MYT1L: variants seen among roughly 807,000 people sequenced by gnomAD.
MYT1L encodes the protein myelin transcription factor 1 like, also known as myelin transcription factor 1-like protein.
In MYT1L, 12 loss-of-function variants were observed where a neutral mutation model predicts 126.7. The ratio of observed to expected loss-of-function variants is 0.09; its 90% CI spans 0.06 to 0.15. The LOEUF is 0.15. Ranked by LOEUF, MYT1L falls within the 10% of genes least tolerant of loss-of-function variation. The pLI, the probability that MYT1L is intolerant of heterozygous loss-of-function variation, is 1.00. For synonymous variants in MYT1L, 541 were observed against 604.2 expected (o/e 0.90, Z 1.53); for missense variants, 979 against 1,585.2 (o/e 0.62, Z 6.49).
chr2:1,869,720 C>A (rs1252277445), intron 18 of MYT1L, among the ~76,000 whole-genome samples: 2 of 152,106 alleles, frequency 1.3e-5, no homozygotes, highest in East Asian at 1.9e-4. Flanking sequence ...CTAAGTTAGT[C>A]CTCATCTTAG....
chr2:2,295,663 C>CAGAG (rs377336266), intron 1 of MYT1L, among the ~76,000 whole-genome samples: 2 of 32,222 alleles, frequency 6.2e-5, no homozygotes, highest in Admixed American at 3.0e-4. Flanking sequence ...GACAGACAGA[C>CAGAG]AGAGAGAGAG....
chr2:2,038,331 C>T (rs1344133649), intron 4 of MYT1L, among the ~76,000 whole-genome samples: 1 of 152,134 alleles, frequency 6.6e-6, no homozygotes, highest in Non-Finnish European at 1.5e-5. Context: ...TGAGTAGAAT[C>T]TCACCCTGTT....
chr2:1,835,864 G>A (rs1400192847), intron 21 of MYT1L, among the ~76,000 whole-genome samples: 3 of 152,160 alleles, frequency 2.0e-5, no homozygotes, highest in Non-Finnish European at 2.9e-5. Context: ...AGCAGGAGCC[G>A]CCCCTGGCAT....
intron 18 of MYT1L, among the ~76,000 whole-genome samples, chr2:1,882,576 C>A (rs944865994): frequency 6.6e-6 from 1 of 152,200 alleles, no homozygotes; most frequent in Non-Finnish European, 1.5e-5. Flanking sequence ...GGTAAAGAAA[C>A]CAGACCCCAG....
At chr2:2,127,167 C>A (rs2081822465) in intron 3 of MYT1L, among the ~76,000 whole-genome samples, 1 of 152,090 alleles carries the variant, frequency 6.6e-6, no homozygotes, top group African/African-American at 2.4e-5. Flanking sequence ...GTTTGTTGTA[C>A]AAATTATTTC....
chr2:2,306,714 C>T (rs370136679), intron 1 of MYT1L, among the ~76,000 whole-genome samples: 5 of 152,162 alleles, frequency 3.3e-5, no homozygotes, highest in Non-Finnish European at 5.9e-5. Context: ...CTGGTCACAG[C>T]AACAGCACTA....
At chr2:1,878,374 G>T (rs1183759017) in intron 18 of MYT1L, among the ~76,000 whole-genome samples, 2 of 152,150 alleles carry the variant, frequency 1.3e-5, no homozygotes, top group Non-Finnish European at 1.5e-5. Context: ...AGTAGTATAA[G>T]CCAGATGCTT....
intron 18 of MYT1L, among the ~76,000 whole-genome samples, chr2:1,869,342 G>A (rs2045986700): frequency 6.6e-6 from 1 of 152,258 alleles, no homozygotes; most frequent in African/African-American, 2.4e-5. Flanking sequence ...GCAGCCGGTT[G>A]GGAAGGGCAC....
chr2:2,302,880 G>A (rs2095804745), intron 1 of MYT1L, among the ~76,000 whole-genome samples: 1 of 152,046 alleles, frequency 6.6e-6, no homozygotes, highest in South Asian at 2.1e-4. Flanking sequence ...AGAAGCCAAG[G>A]CACTTTTGGC....
chr2:2,083,027 G>C (rs2075998303), intron 3 of MYT1L, among the ~76,000 whole-genome samples: 1 of 152,186 alleles, frequency 6.6e-6, no homozygotes, highest in African/African-American at 2.4e-5. Flanking sequence ...GCTCTGAAAA[G>C]TGAGTCACCA....
At chr2:1,940,765 A>G (rs2056555001) in intron 9 of MYT1L, among the ~76,000 whole-genome samples, 1 of 152,240 alleles carries the variant, frequency 6.6e-6, no homozygotes, top group Non-Finnish European at 1.5e-5. Context: ...TTAACTATGA[A>G]TTCTTTCATG....
At chr2:1,819,810 G>A (rs2148124660) in intron 21 of MYT1L, among the ~76,000 whole-genome samples, 1 of 152,374 alleles carries the variant, frequency 6.6e-6, no homozygotes, top group African/African-American at 2.4e-5. Flanking sequence ...TTTGAATTTA[G>A]GTCTGGGTGC....
At chr2:2,311,466 A>G (rs891719691) in intron 1 of MYT1L, among the ~76,000 whole-genome samples, 1 of 152,140 alleles carries the variant, frequency 6.6e-6, no homozygotes, top group Non-Finnish European at 1.5e-5. Flanking sequence ...TTGGTCTCAG[A>G]TGGGTATATA....
chr2:1,943,062 T>C lies in MYT1L; in HGVS notation c.425A>G (p.Asp142Gly), dbSNP rs996189930. ...CTCCACATCTTCTCCATCCTCGTCA[T>C]CGTCCTCATCCTCCTCCTCGATCTC... ...EEEIEEEDED[D>G]DEDGEDVEDE... Residue 142 changes from aspartate (D) to glycine (G), a missense_variant, in exon 9 of 25, where the codon GAT (aspartate) becomes GGT (glycine). Physicochemically the swap from Asp to Gly is moderately conservative, Grantham distance 94. Around this residue, in one of 12 missense-constraint regions of MYT1L, gnomAD observed 111 missense variants for 115.9 expected, o/e 0.96. Transcript: ENST00000647738. This position sits in a 1 kb window ranked among gnomAD's most constrained non-coding sequence, Gnocchi z 4.4. The C allele has an allele frequency of 1.4e-6, 2 of 1,470,804 alleles. No individual in the cohort carries two copies. The highest frequency in any genetic ancestry group is 1.9e-6 in the Non-Finnish European group (2 of 1,073,386). The allele number at this position is 1,470,804 out of a possible 1,614,324, so 91.1% of individuals were successfully genotyped here.
intron 3 of MYT1L, among the ~76,000 whole-genome samples, chr2:2,060,443 T>C (rs78240029): frequency 0.13 from 19,295 of 152,178 alleles, 1,270 homozygotes; most frequent in East Asian, 0.29. Flanking sequence ...TAAAAAATCA[T>C]TATTTGTCCA....
At chr2:2,114,818 C>T (rs1332127227) in intron 3 of MYT1L, among the ~76,000 whole-genome samples, 2 of 152,182 alleles carry the variant, frequency 1.3e-5, no homozygotes, top group Non-Finnish European at 2.9e-5. Context: ...TCAACTGCTG[C>T]TTCAGTCTGG....
intron 18 of MYT1L, among the ~76,000 whole-genome samples, chr2:1,884,696 A>C (rs1474148902): frequency 2.0e-5 from 3 of 152,232 alleles, no homozygotes; most frequent in Admixed American, 1.3e-4. Context: ...GACTTTTTGC[A>C]AAGATAGGTT....
Position 1,922,868 on chromosome 2 carries a change from T to A in MYT1L, c.901A>T (p.Met301Leu). The change falls in exon 10 of 25, where the codon ATG becomes TTG. Residue 301 changes from methionine to leucine, a missense_variant. By Grantham distance (15) the Met-to-Leu change is conservative (BLOSUM62 2). Coordinates refer to ENST00000647738, the MANE Select transcript of MYT1L (RefSeq NM_001303052.2). This position sits in a 1 kb window ranked among gnomAD's most constrained non-coding sequence, Gnocchi z 7.4. ...CCGTTGTTCATGGGCTTCCCCAACA[T>A]GACGTAATTCATATTTCTACTGTCT... ...QQDSRNMNYV[M>L]LGKPMNNGLM... 1 of 1,614,014 alleles carries A rather than the reference T, an allele frequency of 6.2e-7. No homozygotes were observed. The highest frequency in any genetic ancestry group is 1.1e-5 in the South Asian group (1 of 91,074).
At chr2:2,009,053 T>C (rs1380057013) in intron 4 of MYT1L, among the ~76,000 whole-genome samples, 9 of 152,176 alleles carry the variant, frequency 5.9e-5, no homozygotes, top group Non-Finnish European at 1.3e-4. Flanking sequence ...GTTCTGTTTT[T>C]ATGCCAGTAT....
Sources: allele counts gnomAD v4.1 joint callset (sites outside exome capture counted in the v4.1 genomes callset), GRCh38; gene constraint gnomAD v4.1.1; regional missense constraint gnomAD v4.1.1; non-coding constraint Gnocchi (gnomAD v3.1); transcripts MANE v1.5; gene names NCBI Gene and HGNC (gene_info 2026-07-23, HGNC 2026-07-21).